Variants in CREBRF observed in about 807,000 individuals in gnomAD.
The protein encoded by CREBRF is UPF0474 protein C5orf41.
CREBRF carries 5 observed loss-of-function variants against 66.1 expected under a neutral mutation model. The observed-to-expected ratio is 0.08, with a 90% CI of 0.04 to 0.16. The LOEUF (loss-of-function observed/expected upper bound fraction) is 0.16. Ranked by LOEUF, CREBRF falls within the 10% of genes least tolerant of loss-of-function variation. The pLI is 1.00. For missense variants in CREBRF, 531 were observed against 744.9 expected (o/e 0.71, Z 3.34); for synonymous variants, 229 against 264.4 (o/e 0.87, Z 1.30).
chr5:173,057,875 TTAG>T (rs1757124651), intron 1 of CREBRF, among the ~76,000 whole-genome samples: 1 of 151,562 alleles, frequency 6.6e-6, no homozygotes, highest in Non-Finnish European at 1.5e-5. Context: ...TGTCCTAGTC[TTAG>T]TAGTAATTTG....
rs1759615033 is a variant in CREBRF at position 173,137,533 on chromosome 5, A to G, written c.*3788A>G. 6.6e-6 allele frequency: 1 copy of G among 152,058 alleles called. No individual in the cohort carries two copies. The highest frequency in any genetic ancestry group is 2.4e-5 in the African/African-American group (1 of 41,414). 9.4% of individuals were successfully genotyped at this position (152,058 alleles called of 1,614,324 possible). A position where few individuals can be genotyped will look rare whatever the true frequency, so the allele number is the denominator to read the frequency against. On this transcript the variant is annotated 3_prime_UTR_variant, in exon 9 of 9. Transcript: ENST00000296953. ...CTGCATTTAAAGAAAGGTGTGTTCA[A>G]TTCATCAGCTTGAAATTGACTATTT...
rs192219063 is a variant in CREBRF, at chr5:173,087,485, C to T, written c.135+859C>T. Among the ~76,000 whole-genome samples the T allele has an allele frequency of 1.3e-3, 178 of 139,488 alleles. 1 individual carries two copies. In the East Asian group the frequency reaches 0.034, roughly 27 times the overall value. 91.5% of individuals were successfully genotyped at this position (139,488 alleles called of 152,430 possible). A position where few individuals can be genotyped will look rare whatever the true frequency, so the allele number is the denominator to read the frequency against. On this transcript the variant is annotated intron_variant, in intron 3 of 8. Coordinates refer to ENST00000296953, the MANE Select transcript of CREBRF (RefSeq NM_153607.3). ...GGCCAAGGCGGGCGGATCATGAGGTCAGGAGATTGAGACCATCCTGGCCAA... is the reference window on the plus strand; with the variant it reads ...GGCCAAGGCGGGCGGATCATGAGGTTAGGAGATTGAGACCATCCTGGCCAA...
At chr5:173,125,100 A>T (rs1345933445) in intron 8 of CREBRF, among the ~76,000 whole-genome samples, 1 of 151,682 alleles carries the variant, frequency 6.6e-6, no homozygotes, top group African/African-American at 2.4e-5. Flanking sequence ...TGTATTTTTT[A>T]GTAGAGGTGG....
chr5:173,069,254 A>G (rs1024422362), intron 1 of CREBRF, among the ~76,000 whole-genome samples: 1 of 152,122 alleles, frequency 6.6e-6, no homozygotes, highest in African/African-American at 2.4e-5. Context: ...GTGAATCACA[A>G]TATCCCCACA....
intron 1 of CREBRF, among the ~76,000 whole-genome samples, chr5:173,070,881 T>G (rs1757578001): frequency 2.0e-5 from 3 of 152,126 alleles, no homozygotes; most frequent in Admixed American, 2.0e-4. Context: ...ACATGTGGTC[T>G]TAGGGGATTT....
intron 5 of CREBRF, 74 bp downstream of exon 5, chr5:173,108,892 C>T (rs1581033262): frequency 5.8e-6 from 8 of 1,381,300 alleles, no homozygotes; most frequent in Admixed American, 2.0e-5. Flanking sequence ...ATGTTTACTC[C>T]GTGTACCTAG....
chr5:173,094,378 CTG>C (rs1758423566), intron 4 of CREBRF, among the ~76,000 whole-genome samples: 1 of 152,186 alleles, frequency 6.6e-6, no homozygotes, highest in South Asian at 2.1e-4. Context: ...TCCATAATGA[CTG>C]TACCAATTTA....
At chr5:173,092,612 A>C (rs1432657863) in intron 4 of CREBRF, among the ~76,000 whole-genome samples, 2 of 152,208 alleles carry the variant, frequency 1.3e-5, no homozygotes, top group South Asian at 4.1e-4. Context: ...AAAACTATCA[A>C]AGAGAGCCCT....
chr5:173,133,264 T>C (rs772877418), intron 8 of CREBRF, among the ~76,000 whole-genome samples: 3 of 152,176 alleles, frequency 2.0e-5, no homozygotes, highest in Non-Finnish European at 4.4e-5. Flanking sequence ...TTTAGAGTAA[T>C]TGGAAGAGAC....
intron 1 of CREBRF, among the ~76,000 whole-genome samples, chr5:173,078,025 A>G (rs749456686): frequency 2.0e-5 from 3 of 152,226 alleles, no homozygotes; most frequent in East Asian, 1.9e-4. Flanking sequence ...TGCCATGAAC[A>G]TAAGTGTAGA....
chr5:173,131,672 A>G (rs954274829), intron 8 of CREBRF, among the ~76,000 whole-genome samples: 13 of 150,792 alleles, frequency 8.6e-5, no homozygotes, highest in African/African-American at 3.2e-4. Context: ...GTTTGATCAC[A>G]TGGTTAAGCT....
Position 173,087,162 on chromosome 5 carries a change from G to C in CREBRF, c.135+536G>C, listed in dbSNP as rs543732976. Reference sequence around the variant, plus strand: ...GGGTGTCACCACGTTGGCCAGGCTGGTCTCGAACTCCTGACCTCAGGCTAT... The same window carrying C: ...GGGTGTCACCACGTTGGCCAGGCTGCTCTCGAACTCCTGACCTCAGGCTAT... On this transcript the variant is annotated intron_variant, in intron 3 of 8. Coordinates refer to ENST00000296953, the MANE Select transcript of CREBRF (RefSeq NM_153607.3). 8.5e-5 allele frequency among the ~76,000 whole-genome samples: 13 copies of C among 152,164 alleles called. No individual in the cohort carries two copies. In the East Asian group the frequency reaches 2.3e-3, roughly 27 times the overall value.
intron 3 of CREBRF, among the ~76,000 whole-genome samples, chr5:173,088,420 C>G (rs1280241526): frequency 3.1e-5 from 4 of 129,748 alleles, no homozygotes; most frequent in Non-Finnish European, 6.2e-5. Context: ...ACCTGGGAGA[C>G]GGAGGTTGCA....
intron 1 of CREBRF, among the ~76,000 whole-genome samples, chr5:173,057,002 G>C (rs1016549477): frequency 1.3e-5 from 2 of 151,920 alleles, no homozygotes; most frequent in African/African-American, 4.8e-5. Context: ...ACGAAGAGGC[G>C]CGGGCTGGGG....
chr5:173,106,133 A>G (rs185525536), intron 4 of CREBRF, among the ~76,000 whole-genome samples: 1 of 152,148 alleles, frequency 6.6e-6, no homozygotes, highest in East Asian at 1.9e-4. Context: ...ATCATTTTTT[A>G]AGAAGAGCCT....
Position 173,091,278 on chromosome 5 carries a change from G to A in CREBRF, c.1099G>A (p.Glu367Lys), listed in dbSNP as rs1758331700. Residue 367 changes from glutamate (E) to lysine (K), a missense_variant, in exon 4 of 9, where the codon GAG becomes AAG. Physicochemically the swap from Glu to Lys is moderately conservative, Grantham distance 56 (BLOSUM62 1). This residue lies in a region of CREBRF where 309 missense variants were observed against 341.4 expected (regional missense o/e 0.90). Transcript: ENST00000296953. Reference protein sequence around the residue: ...DEEDEEDVDDEDHDEGFGSEH... With the variant: ...DEEDEEDVDDKDHDEGFGSEH... ...GGAGGACGAGGAGGATGTTGATGAT[G>A]AGGACCATGATGAAGGATTCGGCAG... 6.2e-7 allele frequency: 1 copy of A among 1,613,666 alleles called. No homozygotes were observed.
rs1403945699 is a variant in CREBRF at position 173,133,740 on chromosome 5, G to A, written c.1915G>A (p.Val639Met). 3 of 1,556,786 alleles carry A rather than the reference G, an allele frequency of 1.9e-6. No homozygotes were observed. Among genetic ancestry groups the A allele is most frequent in the East Asian group, 2.3e-5 (1 of 44,280 alleles). The change falls in exon 9 of 9, where the codon GTG (valine) becomes ATG (methionine). Residue 639 changes from valine (V) to methionine (M), a missense_variant. Val to Met is a conservative substitution (Grantham distance 21). Around this residue, in one of 5 missense-constraint regions of CREBRF, gnomAD observed 64 missense variants for 111.3 expected, o/e 0.58. Transcript: ENST00000296953. The part of the protein sequence containing the change: ...LVGLRIPTSK[V>M] ...AGGATTAAGGATACCAACATCAAAG[G>A]TGTAATCAGCCTCATTGGACCACTG... is the stretch of plus-strand genomic sequence containing the variant.
At chr5:173,069,822 A>G (rs1757545866) in intron 1 of CREBRF, among the ~76,000 whole-genome samples, 1 of 152,240 alleles carries the variant, frequency 6.6e-6, no homozygotes, top group East Asian at 1.9e-4. Context: ...CCTGCTTCAC[A>G]GTAGGAAGGA....
In CREBRF at chr5:173,090,660, T is replaced by C. The variant is rs1401620425; in HGVS notation, c.481T>C (p.Phe161Leu). 3.1e-6 allele frequency: 5 copies of C among 1,614,176 alleles called. No individual in the cohort carries two copies. The highest frequency in any genetic ancestry group is 4.2e-6 in the Non-Finnish European group (5 of 1,180,036). Residue 161 changes from phenylalanine (F) to leucine (L), a missense_variant, in exon 4 of 9, where the codon TTC becomes CTC. Phe to Leu is a conservative substitution (Grantham distance 22, BLOSUM62 0). Transcript: ENST00000296953. The surrounding 1 kb of genome is among the most constrained non-coding windows in gnomAD (Gnocchi z 4.5). ...TTCCCTTTATTACCCCGATTCACTT[T>C]TCAGTGTCAAACAAAATCCCTTACC... Reference protein sequence around the residue: ...SDSLYYPDSLFSVKQNPLPSS... With the variant: ...SDSLYYPDSLLSVKQNPLPSS...
Sources: gnomAD v4.1 joint callset for allele counts (sites outside exome capture counted in the v4.1 genomes callset) on GRCh38, gnomAD v4.1.1 for gene constraint, gnomAD v4.1.1 regional missense constraint, Gnocchi (gnomAD v3.1) non-coding constraint, MANE v1.5 for transcripts, NCBI Gene and HGNC (gene_info 2026-07-23, HGNC 2026-07-21) for gene names.